Variants in ZSWIM4 observed in about 807,000 individuals in gnomAD.
ZSWIM4 encodes zinc finger SWIM domain-containing protein 4.
In ZSWIM4, 62 loss-of-function variants were observed where a neutral mutation model predicts 102.5. The observed-to-expected ratio is 0.60, with a 90% CI of 0.49 to 0.75. ZSWIM4 has a LOEUF of 0.75. ZSWIM4 is among the 30% of genes least tolerant of loss of function. The probability of loss-of-function intolerance (pLI) is 0.00; values close to 1 mark genes in which losing one functional copy is unlikely to be tolerated. For missense variants in ZSWIM4, 1,280 were observed against 1,529.6 expected, an observed-to-expected ratio of 0.84 and a Z score of 2.72; for synonymous variants, 652 against 674.5, an observed-to-expected ratio of 0.97 and a Z score of 0.52.
chr19:13,810,341 G>A (rs143931178), intron 5 of ZSWIM4, among the ~76,000 whole-genome samples: 1 of 151,556 alleles, frequency 6.6e-6, no homozygotes, highest in Non-Finnish European at 1.5e-5. Context: ...CTCCCAGGCT[G>A]GAGTGCAGTG....
chr19:13,804,268 C>A (rs1181986744), intron 2 of ZSWIM4, among the ~76,000 whole-genome samples: 3 of 151,862 alleles, frequency 2.0e-5, no homozygotes, highest in Non-Finnish European at 4.4e-5. Flanking sequence ...GCCAGGAGTT[C>A]AAAATCAGCC....
rs1246692147 is a variant in ZSWIM4 at position 13,809,201 on chromosome 19, G to A, written c.993G>A (p.Arg331=). The change falls in exon 5 of 14, where the codon CGG becomes CGA. Residue 331 remains arginine (R), a synonymous_variant. Coordinates refer to ENST00000590508, the MANE Select transcript of ZSWIM4 (RefSeq NM_001367834.3). This position sits in a 1 kb window ranked among gnomAD's most constrained non-coding sequence, Gnocchi z 4.2. ...QQGAGMTDKC[R]QLWDELGALW... Reference sequence around the variant, plus strand: ...GCGCGGGCATGACGGACAAGTGCCGGCAGCTCTGGGATGAGCTGGGTGAGG... The same window carrying A: ...GCGCGGGCATGACGGACAAGTGCCGACAGCTCTGGGATGAGCTGGGTGAGG... 6.2e-7 allele frequency: 1 copy of A among 1,608,778 alleles called. No individual in the cohort carries two copies. The highest frequency in any genetic ancestry group is 2.2e-5 in the East Asian group (1 of 44,798).
intron 3 of ZSWIM4, among the ~76,000 whole-genome samples, chr19:13,808,603 G>A (rs1361425467): frequency 6.6e-6 from 1 of 152,050 alleles, no homozygotes; most frequent in Non-Finnish European, 1.5e-5. Context: ...GCAAAGTGTA[G>A]TGGGGCGTGC....
chr19:13,813,986 G>A (rs1285849270), intron 6 of ZSWIM4, among the ~76,000 whole-genome samples: 2 of 150,752 alleles, frequency 1.3e-5, no homozygotes, highest in Non-Finnish European at 3.0e-5. Flanking sequence ...AAGACAGACA[G>A]CCAGTTAGTT....
chr19:13,823,580 T>G (rs1975528414), intron 11 of ZSWIM4, 80 bp downstream of exon 11: 1 of 1,474,660 alleles, frequency 6.8e-7, no homozygotes, highest in Admixed American at 2.1e-5. Context: ...CTTTCCTGCC[T>G]CCTCTTATCC....
At position 13,798,698 on chromosome 19, in the gene ZSWIM4, C is replaced by G. The variant is rs115961791; in HGVS notation, c.154-1022C>G. Among the ~76,000 whole-genome samples, 999 of 152,320 alleles carry G rather than the reference C, an allele frequency of 6.6e-3. 11 individuals are homozygous for G. The highest frequency in any genetic ancestry group is 0.023 in the African/African-American group (957 of 41,582). Reference sequence around the variant, plus strand: ...TGCCGTGGACCTCCCCACTTTACACCTGAGAATACTGAGGCCAAGTGACTT... The same window carrying G: ...TGCCGTGGACCTCCCCACTTTACACGTGAGAATACTGAGGCCAAGTGACTT... On this transcript the variant is annotated intron_variant, in intron 1 of 13. Transcript: ENST00000590508.
chr19:13,817,910 G>A lies in ZSWIM4; in HGVS notation c.1858G>A (p.Glu620Lys). 1.3e-6 allele frequency: 2 copies of A among 1,547,936 alleles called. No individual in the cohort carries two copies. The highest frequency in any genetic ancestry group is 1.7e-6 in the Non-Finnish European group (2 of 1,145,342). ...RNEEQLLALL[E>K]EVELDERLVQ... is the part of the protein sequence containing the mutation. The stretch of plus-strand genomic sequence containing the variant: ...CGAGGAGCAGCTGCTGGCCCTGCTG[G>A]AGGAGGTGGAGTTGGATGAGCGGTT... Residue 620 changes from glutamate to lysine, a missense_variant, in exon 9 of 14, where the codon GAG (glutamate) becomes AAG (lysine). Transcript: ENST00000590508.
chr19:13,816,340 A>G (rs1419574062), intron 7 of ZSWIM4, among the ~76,000 whole-genome samples: 2 of 152,172 alleles, frequency 1.3e-5, no homozygotes, highest in East Asian at 3.9e-4. Context: ...AAGGATGTGC[A>G]TGGCCAGGCA....
chr19:13,803,590 GGTCAGGAGTTCAAGACTA>G (rs1974831870), intron 2 of ZSWIM4, among the ~76,000 whole-genome samples: 1 of 150,622 alleles, frequency 6.6e-6, no homozygotes, highest in Admixed American at 6.6e-5. Context: ...GACTACACTA[GGTCAGGAGTTCAAGACTA>G]GCCTGGCCAA....
chr19:13,822,440 T>C (rs1390554080), intron 10 of ZSWIM4, among the ~76,000 whole-genome samples: 3 of 152,202 alleles, frequency 2.0e-5, no homozygotes, highest in Non-Finnish European at 4.4e-5. Flanking sequence ...TATATGAAAT[T>C]CAAATTTCAG....
chr19:13,821,537 C>G (rs772163466), intron 10 of ZSWIM4, among the ~76,000 whole-genome samples: 1 of 151,990 alleles, frequency 6.6e-6, no homozygotes, highest in African/African-American at 2.4e-5. Flanking sequence ...AGAGCAAGAC[C>G]CCATCTCTCT....
At position 13,795,772 on chromosome 19, in the gene ZSWIM4, C is replaced by T; in HGVS notation, c.124C>T (p.Arg42Trp). 4.0e-6 allele frequency: 5 copies of T among 1,248,388 alleles called. No individual in the cohort carries two copies. The highest frequency in any genetic ancestry group is 3.7e-5 in the South Asian group (1 of 26,864). The allele number at this position is 1,248,388 out of a possible 1,614,324, so 77.3% of individuals were successfully genotyped here. The change falls in exon 1 of 14, where the codon CGG becomes TGG. Residue 42 changes from arginine (R) to tryptophan (W), a missense_variant. Physicochemically the swap from Arg to Trp is moderately radical, Grantham distance 101 (BLOSUM62 -3). Transcript: ENST00000590508. ...GGCGCTGCTGGACCTCAGCGCCAAGCGGGTAGCCGAGAGCTGGGCCTTCGA... is the reference window on the plus strand; with the variant it reads ...GGCGCTGCTGGACCTCAGCGCCAAGTGGGTAGCCGAGAGCTGGGCCTTCGA... ...PEALLDLSAK[R>W]VAESWAFEQV...
chr19:13,799,436 G>A (rs1974696180), intron 1 of ZSWIM4, among the ~76,000 whole-genome samples: 1 of 151,480 alleles, frequency 6.6e-6, no homozygotes, highest in African/African-American at 2.4e-5. Flanking sequence ...ACCACACCCG[G>A]CTAATTTTTT....
In ZSWIM4 at chr19:13,808,996, G is replaced by C. The variant is rs758706700; in HGVS notation, c.861+12G>C. ...CCATGTTCAGCAAGGTGCCGTGCGG[G>C]CCGGCGGGGCGCGGGGTGCAGAAGG... On this transcript the variant is annotated intron_variant, in intron 4 of 13. Transcript: ENST00000590508. The C allele has an allele frequency of 3.1e-6, 5 of 1,609,956 alleles. No individual in the cohort carries two copies. In the African/African-American group the frequency reaches 4.0e-5, roughly 13 times the overall value.
chr19:13,801,944 C>A lies in ZSWIM4; in HGVS notation c.355+2023C>A, dbSNP rs1974780997. Among the ~76,000 whole-genome samples, 3 of 144,466 alleles carry A rather than the reference C, an allele frequency of 2.1e-5. No individual in the cohort carries two copies. The Admixed American group carries it at 2.1e-4, about 10-fold the overall frequency. The allele number at this position is 144,466 out of a possible 152,430, so 94.8% of individuals were successfully genotyped here. Reference sequence around the variant, plus strand: ...TCAGCCTCCCAAAGTGCTGGGATTACAGGTGTGAGCCACCATGCCCAGCTT... The same window carrying A: ...TCAGCCTCCCAAAGTGCTGGGATTAAAGGTGTGAGCCACCATGCCCAGCTT... On this transcript the variant is annotated intron_variant, in intron 2 of 13. Coordinates refer to ENST00000590508, the MANE Select transcript of ZSWIM4 (RefSeq NM_001367834.3).
chr19:13,810,386 G>A (rs1409140493), intron 5 of ZSWIM4, among the ~76,000 whole-genome samples: 1 of 151,826 alleles, frequency 6.6e-6, no homozygotes, highest in Non-Finnish European at 1.5e-5. Context: ...TCCACCTCCT[G>A]GGTTCAAATG....
intron 11 of ZSWIM4, among the ~76,000 whole-genome samples, chr19:13,824,685 C>G (rs1187608138): frequency 6.6e-6 from 1 of 151,678 alleles, no homozygotes; most frequent in Non-Finnish European, 1.5e-5. Flanking sequence ...TGAGCCGAGA[C>G]TGCACCGTTG....
rs1350271794 is a variant in ZSWIM4 at position 13,812,997 on chromosome 19, G to C, written c.1013G>C (p.Gly338Ala). 1 of 1,604,438 alleles carries C rather than the reference G, an allele frequency of 6.2e-7. No individual in the cohort carries two copies. The highest frequency in any genetic ancestry group is 1.1e-5 in the South Asian group (1 of 90,586). Residue 338 changes from glycine to alanine, a missense_variant and splice_region_variant, in exon 6 of 14, where the codon GGG becomes GCG. Coordinates refer to ENST00000590508, the MANE Select transcript of ZSWIM4 (RefSeq NM_001367834.3). Reference protein sequence around the residue: ...DKCRQLWDELGALWVCVVLSP... With the variant: ...DKCRQLWDELAALWVCVVLSP... The stretch of plus-strand genomic sequence containing the variant: ...TTGAGCCTGCCCCGTGCCTCCTCAG[G>C]GGCCCTGTGGGTTTGCGTCGTCCTG...
chr19:13,825,569 C>T lies in ZSWIM4; in HGVS notation c.2235C>T (p.His745=). 6.2e-7 allele frequency: 1 copy of T among 1,614,110 alleles called. No homozygotes were observed. Among genetic ancestry groups the T allele is most frequent in the Non-Finnish European group, 8.5e-7 (1 of 1,179,972 alleles). ...ACCCAGGAGACCCCAAGTGGCTGCACACGGTACTGGGCTCCATCCAGCAGA... is the reference window on the plus strand; with the variant it reads ...ACCCAGGAGACCCCAAGTGGCTGCATACGGTACTGGGCTCCATCCAGCAGA... ...TAAKGDPKWL[H]TVLGSIQQNI... The change falls in exon 12 of 14, where the codon CAC becomes CAT. Residue 745 remains histidine, a synonymous_variant. Transcript: ENST00000590508. The surrounding 1 kb of genome is among the most constrained non-coding windows in gnomAD (Gnocchi z 4.6).
Sources: allele counts gnomAD v4.1 joint callset (sites outside exome capture counted in the v4.1 genomes callset), GRCh38; gene constraint gnomAD v4.1.1; non-coding constraint Gnocchi (gnomAD v3.1); transcripts MANE v1.5; gene names NCBI Gene and HGNC (gene_info 2026-07-23, HGNC 2026-07-21).